ARHGAP5: variants seen among roughly 807,000 people sequenced by gnomAD.
ARHGAP5 encodes the protein rho GTPase-activating protein 5.
Under a neutral mutation model 116.6 loss-of-function variants are expected in ARHGAP5, and 23 were observed. The observed-to-expected ratio is 0.20, with a 90% CI of 0.14 to 0.28. ARHGAP5 has a LOEUF of 0.28. Ranked by LOEUF, ARHGAP5 falls within the 10% of genes least tolerant of loss-of-function variation. The pLI, the probability that ARHGAP5 is intolerant of heterozygous loss-of-function variation, is 1.00. For synonymous variants in ARHGAP5, 574 were observed against 602.0 expected (o/e 0.95, Z 0.68); for missense variants, 1,405 against 1,774.8 (o/e 0.79, Z 3.74).
chr14:32,081,571 A>G (rs1215944202), intron 1 of ARHGAP5, among the ~76,000 whole-genome samples: 2 of 150,180 alleles, frequency 1.3e-5, no homozygotes, highest in Non-Finnish European at 3.0e-5. Flanking sequence ...AAAAAAAAAA[A>G]GATGTAAGAG....
intron 2 of ARHGAP5, among the ~76,000 whole-genome samples, chr14:32,097,627 T>C (rs554561799): frequency 6.6e-6 from 1 of 151,976 alleles, no homozygotes; most frequent in East Asian, 1.9e-4. Flanking sequence ...GAGCAAAAGA[T>C]AAGAAAAAGA....
intron 2 of ARHGAP5, among the ~76,000 whole-genome samples, chr14:32,110,461 G>A (rs976170251): frequency 1.3e-5 from 2 of 152,036 alleles, no homozygotes; most frequent in Non-Finnish European, 2.9e-5. Flanking sequence ...AGGGTGGTCA[G>A]TGTAGGCCTC....
rs745460443 is a variant in ARHGAP5, at chr14:32,090,991, C to T, written c.322C>T (p.Arg108Trp). Residue 108 changes from arginine to tryptophan, a missense_variant, in exon 2 of 7, where the codon CGG becomes TGG. Arg to Trp is a moderately radical substitution (Grantham distance 101). Coordinates refer to ENST00000345122, the MANE Select transcript of ARHGAP5 (RefSeq NM_001030055.2). The stretch of plus-strand genomic sequence containing the variant: ...TGATGACCAGACTTTCTTGCCTCAT[C>T]GGAGTACGAATTTGCAACCATATAT... Reference protein sequence around the residue: ...FIDDQTFLPHRSTNLQPYIKR... With the variant: ...FIDDQTFLPHWSTNLQPYIKR... 5.6e-6 allele frequency: 9 copies of T among 1,613,458 alleles called. No homozygotes were observed. Among genetic ancestry groups the T allele is most frequent in the South Asian group, 3.3e-5 (3 of 91,062 alleles).
At chr14:32,111,527 C>T (rs1879295374) in intron 2 of ARHGAP5, among the ~76,000 whole-genome samples, 2 of 152,050 alleles carry the variant, frequency 1.3e-5, no homozygotes, top group South Asian at 4.1e-4. Context: ...AATTTGAGTG[C>T]ATTTGGAATG....
At chr14:32,098,214 A>G (rs1395779741) in intron 2 of ARHGAP5, among the ~76,000 whole-genome samples, 2 of 152,182 alleles carry the variant, frequency 1.3e-5, no homozygotes, top group Non-Finnish European at 2.9e-5. Flanking sequence ...CTATCATATA[A>G]TATAAAACTT....
At chr14:32,153,157 A>C (rs1881722691) in intron 6 of ARHGAP5, among the ~76,000 whole-genome samples, 2 of 150,568 alleles carry the variant, frequency 1.3e-5, no homozygotes, top group African/African-American at 4.9e-5. Flanking sequence ...ACTTTTTACT[A>C]GCAATGTGGT....
chr14:32,153,758 A>G (rs960508281), intron 6 of ARHGAP5, among the ~76,000 whole-genome samples: 3 of 151,902 alleles, frequency 2.0e-5, no homozygotes, highest in South Asian at 2.1e-4. Context: ...GGCGTGATCT[A>G]CCGCACCTGC....
chr14:32,143,395 A>G (rs1310707665), intron 3 of ARHGAP5, among the ~76,000 whole-genome samples: 1 of 152,076 alleles, frequency 6.6e-6, no homozygotes, highest in East Asian at 1.9e-4. Flanking sequence ...GGTGCCCACC[A>G]CCACGCCTGG....
At chr14:32,151,547 T>TC (rs1881639077) in intron 5 of ARHGAP5, among the ~76,000 whole-genome samples, 1 of 151,682 alleles carries the variant, frequency 6.6e-6, no homozygotes, top group South Asian at 2.1e-4. Flanking sequence ...TGAGAGTCGT[T>TC]TTTACACCAA....
chr14:32,122,058 A>C (rs757481125), intron 3 of ARHGAP5, among the ~76,000 whole-genome samples: 2 of 152,192 alleles, frequency 1.3e-5, no homozygotes, highest in South Asian at 4.1e-4. Flanking sequence ...GTATATACTT[A>C]AGAGTGGAAT....
At position 32,159,179 on chromosome 14, in the gene ARHGAP5, G is replaced by A. The variant is rs1882014476; in HGVS notation, c.*4231G>A. The A allele has an allele frequency of 6.6e-6, 1 of 152,018 alleles. No individual in the cohort carries two copies. Among genetic ancestry groups the A allele is most frequent in the South Asian group, 2.1e-4 (1 of 4,824 alleles). The allele number at this position is 152,018 out of a possible 1,614,324, so 9.4% of individuals were successfully genotyped here. A position where few individuals can be genotyped will look rare whatever the true frequency, so the allele number is the denominator to read the frequency against. On this transcript the variant is annotated 3_prime_UTR_variant, in exon 7 of 7. Transcript: ENST00000345122. The stretch of plus-strand genomic sequence containing the variant: ...AATTATAACCCTTGAAATTAATTTG[G>A]TGCTGGCAGTTCTGGTTTAGTCATT...
At chr14:32,102,315 C>T (rs759302163) in intron 2 of ARHGAP5, among the ~76,000 whole-genome samples, 8 of 152,172 alleles carry the variant, frequency 5.3e-5, no homozygotes, top group Non-Finnish European at 1.0e-4. Context: ...GAGTTAGGTC[C>T]TGCACCTGTT....
chr14:32,102,032 A>T (rs780755806), intron 2 of ARHGAP5, among the ~76,000 whole-genome samples: 1 of 152,118 alleles, frequency 6.6e-6, no homozygotes, highest in Non-Finnish European at 1.5e-5. Context: ...ATCTGATGGG[A>T]TAGGCTTACA....
chr14:32,090,960 G>A lies in ARHGAP5; in HGVS notation c.291G>A (p.Glu97=). Residue 97 remains glutamate (E), a synonymous_variant, in exon 2 of 7, where the codon GAG becomes GAA. Coordinates refer to ENST00000345122, the MANE Select transcript of ARHGAP5 (RefSeq NM_001030055.2). The part of the protein sequence containing the change: ...ECKIHVIEQT[E]FIDDQTFLPH... ...AAATTCATGTCATTGAACAAACAGA[G>A]TTCATTGATGACCAGACTTTCTTGC... is the stretch of plus-strand genomic sequence containing the variant. The A allele has an allele frequency of 6.2e-7, 1 of 1,613,672 alleles. No individual in the cohort carries two copies. The highest frequency in any genetic ancestry group is 1.1e-5 in the South Asian group (1 of 91,070).
intron 3 of ARHGAP5, among the ~76,000 whole-genome samples, chr14:32,120,486 GTTTTC>G: frequency 6.6e-6 from 1 of 151,198 alleles, no homozygotes; most frequent in Non-Finnish European, 1.5e-5. Context: ...TGTTAGACCA[GTTTTC>G]TTTTCTAGTG....
intron 3 of ARHGAP5, among the ~76,000 whole-genome samples, chr14:32,121,914 T>A (rs1360986115): frequency 6.6e-6 from 1 of 152,248 alleles, no homozygotes; most frequent in African/African-American, 2.4e-5. Context: ...CTATCAGTAC[T>A]TAATTTCTTT....
intron 1 of ARHGAP5, among the ~76,000 whole-genome samples, chr14:32,086,118 AAGTT>A (rs1396705832): frequency 1.3e-5 from 2 of 152,152 alleles, no homozygotes; most frequent in African/African-American, 2.4e-5. Context: ...GGTGTATAGT[AAGTT>A]AGGAAGGTAA....
intron 4 of ARHGAP5, 49 bp downstream of exon 4, chr14:32,146,389 T>C: frequency 7.4e-7 from 1 of 1,344,146 alleles, no homozygotes; most frequent in Non-Finnish European, 1.1e-6. Flanking sequence ...ATGTTTTCCT[T>C]GTTAGAATTC....
intron 3 of ARHGAP5, among the ~76,000 whole-genome samples, chr14:32,127,702 G>A (rs936501601): frequency 2.0e-5 from 3 of 152,164 alleles, no homozygotes; most frequent in Non-Finnish European, 2.9e-5. Context: ...CCTCCCAGAC[G>A]GGGTGGCGGC....
Sources: gnomAD v4.1 joint callset for allele counts (sites outside exome capture counted in the v4.1 genomes callset) on GRCh38, gnomAD v4.1.1 for gene constraint, MANE v1.5 for transcripts, NCBI Gene and HGNC (gene_info 2026-07-23, HGNC 2026-07-21) for gene names.